CEP112: variants seen among roughly 807,000 people sequenced by gnomAD.
CEP112 encodes centrosomal protein of 112 kDa.
Under a neutral mutation model 153.0 loss-of-function variants are expected in CEP112, and 127 were observed. The observed-to-expected ratio is 0.83, with a 90% CI of 0.72 to 0.96. CEP112 has a LOEUF of 0.96. Among genes scored for constraint, CEP112 ranks in the 40% least tolerant of loss-of-function variants. CEP112 has a pLI of 0.00. For synonymous variants in CEP112, 358 were observed against 374.4 expected, an observed-to-expected ratio of 0.96 and a Z score of 0.51; for missense variants, 1,089 against 1,101.2, an observed-to-expected ratio of 0.99 and a Z score of 0.16.
At chr17:65,946,381 TC>T (rs895406540) in intron 18 of CEP112, among the ~76,000 whole-genome samples, 1 of 152,132 alleles carries the variant, frequency 6.6e-6, no homozygotes, top group Non-Finnish European at 1.5e-5. Context: ...AGATTCTTTT[TC>T]CCCCCATATG....
intron 6 of CEP112, among the ~76,000 whole-genome samples, chr17:66,102,621 C>A (rs1380950248): frequency 6.6e-6 from 1 of 150,892 alleles, no homozygotes; most frequent in Non-Finnish European, 1.5e-5. Flanking sequence ...CATGGTGAAA[C>A]CCCGTCTCTA....
intron 18 of CEP112, among the ~76,000 whole-genome samples, chr17:65,939,659 AT>A (rs2061449997): frequency 6.6e-6 from 1 of 152,244 alleles, no homozygotes; most frequent in Non-Finnish European, 1.5e-5. Flanking sequence ...TCTTCAATAA[AT>A]GGTACTGAGA....
At chr17:66,071,506 T>C (rs944649222) in intron 8 of CEP112, among the ~76,000 whole-genome samples, 2 of 152,112 alleles carry the variant, frequency 1.3e-5, no homozygotes, top group African/African-American at 2.4e-5. Context: ...CTAGAGAACT[T>C]GTCATACCCT....
intron 17 of CEP112, among the ~76,000 whole-genome samples, chr17:65,992,333 A>T (rs1283824780): frequency 2.0e-5 from 3 of 152,166 alleles, no homozygotes; most frequent in Admixed American, 2.0e-4. Flanking sequence ...CTTCTTTAAA[A>T]ATATAACTTT....
At chr17:65,714,477 T>C (rs991215237) in intron 23 of CEP112, among the ~76,000 whole-genome samples, 1 of 151,936 alleles carries the variant, frequency 6.6e-6, no homozygotes, top group African/African-American at 2.4e-5. Flanking sequence ...TTTAATAGTA[T>C]ATATATCTGT....
chr17:66,053,278 G>A (rs2066521190), intron 12 of CEP112, among the ~76,000 whole-genome samples: 1 of 151,414 alleles, frequency 6.6e-6, no homozygotes, highest in Non-Finnish European at 1.5e-5. Flanking sequence ...AAGGAGGGTG[G>A]ATCACAAGGT....
chr17:65,899,148 C>T (rs979874471), intron 20 of CEP112, among the ~76,000 whole-genome samples: 5 of 151,978 alleles, frequency 3.3e-5, no homozygotes, highest in South Asian at 2.1e-4. Context: ...GATCATTCTC[C>T]AAAATAATTT....
intron 21 of CEP112, among the ~76,000 whole-genome samples, chr17:65,840,336 T>C (rs1357289797): frequency 6.6e-6 from 1 of 151,982 alleles, no homozygotes; most frequent in Non-Finnish European, 1.5e-5. Context: ...TGGAACAGAA[T>C]AGAGAACCCA....
chr17:65,644,380 C>A, intron 24 of CEP112: 1 of 560,350 alleles, frequency 1.8e-6, no homozygotes, highest in East Asian at 3.9e-5. Context: ...TGGCATTTTC[C>A]AGGGTCTTCT....
At chr17:65,655,295 C>T (rs188543914) in intron 24 of CEP112, 19 of 1,448,466 alleles carry the variant, frequency 1.3e-5, no homozygotes, top group South Asian at 3.4e-5. Flanking sequence ...GCTGAGCGAC[C>T]GCAGCCTCAG....
intron 4 of CEP112, among the ~76,000 whole-genome samples, chr17:66,150,646 G>C (rs1031158281): frequency 6.6e-6 from 1 of 152,182 alleles, no homozygotes; most frequent in African/African-American, 2.4e-5. Context: ...CCCCACACTG[G>C]AGTATGTGCA....
chr17:65,870,712 A>G (rs558262175), intron 20 of CEP112, among the ~76,000 whole-genome samples: 1 of 152,332 alleles, frequency 6.6e-6, no homozygotes, highest in African/African-American at 2.4e-5. Flanking sequence ...AGGGCTCACA[A>G]ACAGAAGGAC....
At chr17:66,098,509 G>A (rs1192678950) in intron 6 of CEP112, among the ~76,000 whole-genome samples, 3 of 151,864 alleles carry the variant, frequency 2.0e-5, no homozygotes, top group Non-Finnish European at 4.4e-5. Context: ...TAAAGATAAC[G>A]GTGAATGAAG....
At chr17:65,788,328 A>G (rs1341005039) in intron 21 of CEP112, among the ~76,000 whole-genome samples, 1 of 152,214 alleles carries the variant, frequency 6.6e-6, no homozygotes, top group Non-Finnish European at 1.5e-5. Context: ...TAGGAATTTT[A>G]CACTTAAAAT....
chr17:66,122,088 G>A (rs192391775), intron 6 of CEP112, among the ~76,000 whole-genome samples: 2 of 151,984 alleles, frequency 1.3e-5, no homozygotes, highest in Non-Finnish European at 2.9e-5. Context: ...TAGAGATGGG[G>A]TTTCACTATG....
At chr17:65,763,942 T>C (rs1329548194) in intron 21 of CEP112, among the ~76,000 whole-genome samples, 3 of 152,042 alleles carry the variant, frequency 2.0e-5, no homozygotes, top group Non-Finnish European at 2.9e-5. Flanking sequence ...GCTTTAATCA[T>C]GTGGTGGTAA....
intron 21 of CEP112, among the ~76,000 whole-genome samples, chr17:65,833,361 T>C (rs1268549217): frequency 6.6e-6 from 1 of 152,088 alleles, no homozygotes; most frequent in Non-Finnish European, 1.5e-5. Flanking sequence ...GCCAGAGCAA[T>C]CAGGCAAGAG....
At chr17:66,016,793 G>A (rs751033373) in intron 16 of CEP112, among the ~76,000 whole-genome samples, 2 of 151,970 alleles carry the variant, frequency 1.3e-5, no homozygotes, top group Non-Finnish European at 2.9e-5. Context: ...GCACAGTTGA[G>A]ATTTACGCCT....
At chr17:65,819,896 A>T (rs536553586) in intron 21 of CEP112, among the ~76,000 whole-genome samples, 1 of 152,190 alleles carries the variant, frequency 6.6e-6, no homozygotes, top group African/African-American at 2.4e-5. Context: ...TAGAACAACA[A>T]GAAGGACTTT....
Sources: allele counts gnomAD v4.1 joint callset (sites outside exome capture counted in the v4.1 genomes callset), GRCh38; gene constraint gnomAD v4.1.1; transcripts MANE v1.5; gene names NCBI Gene and HGNC (gene_info 2026-07-23, HGNC 2026-07-21).